The following DRC9 variants were observed in gnomAD, a reference collection of about 807,000 sequenced individuals.
DRC9 encodes the protein dynein regulatory complex protein 9.
At chr3:197,941,271 T>C in the DRC9 span, among the ~76,000 whole-genome samples, 1,947 of 108,412 alleles carry the variant, frequency 0.018, 78 homozygotes, top group African/African-American at 0.066. Flanking sequence ...CCTCCCTTCC[T>C]ACCTTCCTCT....
the DRC9 span, among the ~76,000 whole-genome samples, chr3:197,897,631 A>G: frequency 6.6e-6 from 1 of 152,332 alleles, no homozygotes; most frequent in Admixed American, 6.5e-5. Context: ...AAAATCTGAC[A>G]GCTAGACTAA....
the DRC9 span, among the ~76,000 whole-genome samples, chr3:197,946,513 C>T: frequency 6.6e-6 from 1 of 151,852 alleles, no homozygotes; most frequent in African/African-American, 2.4e-5. Context: ...TGTTACCCCT[C>T]CTCAGTAAAC....
At chr3:197,950,176 G>C in the DRC9 span, 1 of 1,231,762 alleles carries the variant, frequency 8.1e-7, no homozygotes, top group Non-Finnish European at 1.0e-6. Context: ...AAGGCCACGC[G>C]GCGGGGCCTC....
the DRC9 span, among the ~76,000 whole-genome samples, chr3:197,923,927 G>T: frequency 6.6e-6 from 1 of 152,076 alleles, no homozygotes; most frequent in Non-Finnish European, 1.5e-5. Context: ...GCAGCCTGGC[G>T]TGGTGGCACG....
the DRC9 span, chr3:197,953,673 T>G: frequency 2.3e-5 from 10 of 438,678 alleles, no homozygotes; most frequent in Admixed American, 2.9e-4. Flanking sequence ...AATTCCTCCT[T>G]TCTGTACACA....
At chr3:197,931,436 C>G in the DRC9 span, among the ~76,000 whole-genome samples, 6,977 of 151,676 alleles carry the variant, frequency 0.046, 276 homozygotes, top group African/African-American at 0.1. Context: ...GAACTGAGAT[C>G]GTGCCACTGT....
At chr3:197,908,724 C>T in the DRC9 span, among the ~76,000 whole-genome samples, 2 of 144,990 alleles carry the variant, frequency 1.4e-5, no homozygotes, top group African/African-American at 2.6e-5. Flanking sequence ...GTCTGAAGAG[C>T]GAGCAACCCT....
the DRC9 span, among the ~76,000 whole-genome samples, chr3:197,898,628 G>C: frequency 6.6e-6 from 1 of 152,204 alleles, no homozygotes; most frequent in Non-Finnish European, 1.5e-5. Context: ...CATGCCTGGA[G>C]AGGCCTCAGG....
the DRC9 span, among the ~76,000 whole-genome samples, chr3:197,891,013 T>G: frequency 6.6e-6 from 1 of 152,188 alleles, no homozygotes; most frequent in Non-Finnish European, 1.5e-5. Flanking sequence ...AACTAAAATA[T>G]CTCTATTTTT....
At chr3:197,907,896 C>T in the DRC9 span, among the ~76,000 whole-genome samples, 1 of 149,860 alleles carries the variant, frequency 6.7e-6, no homozygotes, top group African/African-American at 2.5e-5. Flanking sequence ...GTGACTGTAC[C>T]ACGTCTGAAG....
At chr3:197,939,270 G>T in the DRC9 span, among the ~76,000 whole-genome samples, 1 of 152,168 alleles carries the variant, frequency 6.6e-6, no homozygotes, top group Admixed American at 6.6e-5. Context: ...AGACGCAAAT[G>T]TTCCTTGAAC....
At chr3:197,907,150 A>G in the DRC9 span, among the ~76,000 whole-genome samples, 2 of 152,180 alleles carry the variant, frequency 1.3e-5, no homozygotes, top group Admixed American at 6.5e-5. Context: ...ACACCTGCCT[A>G]TGTAGGAAAG....
At chr3:197,911,344 G>C in the DRC9 span, among the ~76,000 whole-genome samples, 1 of 152,138 alleles carries the variant, frequency 6.6e-6, no homozygotes, top group East Asian at 1.9e-4. Flanking sequence ...ACTAGTCTCT[G>C]AAACAAAAAT....
chr3:197,935,454 AAAAGAAAAGT>A, the DRC9 span, among the ~76,000 whole-genome samples: 11 of 87,448 alleles, frequency 1.3e-4, no homozygotes, highest in African/African-American at 9.0e-4. Context: ...AAAAAAAAAG[AAAAGAAAAGT>A]AAATTTGTGA....
At chr3:197,904,071 CATATATATATACATACATATATAT>C in the DRC9 span, among the ~76,000 whole-genome samples, 8 of 45,974 alleles carry the variant, frequency 1.7e-4, no homozygotes, top group African/African-American at 4.2e-4. Context: ...TATATACATA[CATATATATATACATACATATATAT>C]ATATATATAT....
the DRC9 span, among the ~76,000 whole-genome samples, chr3:197,900,302 T>A: frequency 6.6e-6 from 1 of 152,238 alleles, no homozygotes; most frequent in Admixed American, 6.5e-5. This position sits in a 1 kb window ranked among gnomAD's most constrained non-coding sequence, Gnocchi z 4.7. Flanking sequence ...GTTAAGGGAG[T>A]GCTTGTGTCA....
the DRC9 span, among the ~76,000 whole-genome samples, chr3:197,944,296 T>C: frequency 1.3e-5 from 2 of 151,926 alleles, no homozygotes; most frequent in South Asian, 4.2e-4. Context: ...TTCGCTCTTG[T>C]TGCCCAGGCT....
At chr3:197,955,812 C>T in the DRC9 span, 1 of 1,531,636 alleles carries the variant, frequency 6.5e-7, no homozygotes, top group South Asian at 1.1e-5. Context: ...GATTTGTGCT[C>T]TTGTATTTTT....
At chr3:197,932,319 A>G in the DRC9 span, 1 of 1,603,416 alleles carries the variant, frequency 6.2e-7, no homozygotes. Flanking sequence ...GGAGAAACAG[A>G]CCAACAAAAA....
Sources: allele counts gnomAD v4.1 joint callset (sites outside exome capture counted in the v4.1 genomes callset), GRCh38; gene constraint gnomAD v4.1.1; non-coding constraint Gnocchi (gnomAD v3.1); transcripts MANE v1.5; gene names NCBI Gene and HGNC (gene_info 2026-07-23, HGNC 2026-07-21).